Variants in KCNIP4 observed in about 807,000 individuals in gnomAD.
The protein encoded by KCNIP4 is potassium voltage-gated channel interacting protein 4.
Under a neutral mutation model 34.0 loss-of-function variants are expected in KCNIP4, and 12 were observed. That is an observed-to-expected ratio of 0.35 (90% CI 0.23 to 0.57). The LOEUF (loss-of-function observed/expected upper bound fraction) is 0.57. KCNIP4 is among the 20% of genes least tolerant of loss of function. The probability of loss-of-function intolerance (pLI) is 0.83; values close to 1 mark genes in which losing one functional copy is unlikely to be tolerated. For missense variants in KCNIP4, 238 were observed against 311.7 expected (o/e 0.76, Z 1.78); for synonymous variants, 124 against 102.2 (o/e 1.21, Z -1.29).
At chr4:21,253,427 C>T (rs1313631240) in intron 1 of KCNIP4, among the ~76,000 whole-genome samples, 1 of 152,156 alleles carries the variant, frequency 6.6e-6, no homozygotes, top group Non-Finnish European at 1.5e-5. Context: ...CCATATTTGA[C>T]ACAGAACAGA....
chr4:21,265,099 A>AAATAAT (rs35177944), intron 1 of KCNIP4, among the ~76,000 whole-genome samples: 50 of 151,054 alleles, frequency 3.3e-4, no homozygotes, highest in African/African-American at 7.6e-4. Context: ...ACTCTGCCTC[A>AAATAAT]AATAATAATA....
At chr4:21,377,197 T>C (rs912659472) in intron 1 of KCNIP4, among the ~76,000 whole-genome samples, 1 of 152,176 alleles carries the variant, frequency 6.6e-6, no homozygotes, top group Non-Finnish European at 1.5e-5. Context: ...ATGTAGAGCA[T>C]ACTACTCGGA....
chr4:21,352,333 C>G (rs1718090283), intron 1 of KCNIP4, among the ~76,000 whole-genome samples: 2 of 152,166 alleles, frequency 1.3e-5, no homozygotes, highest in South Asian at 2.1e-4. Flanking sequence ...GTCGCCTCAC[C>G]CAGGAAGTGC....
At chr4:20,991,379 T>C (rs1461876411) in intron 1 of KCNIP4, among the ~76,000 whole-genome samples, 2 of 151,410 alleles carry the variant, frequency 1.3e-5, no homozygotes, top group African/African-American at 2.4e-5. Flanking sequence ...GGGAAGGAGC[T>C]CGGGATAGAG....
Position 20,936,103 on chromosome 4 carries a change from A to G in KCNIP4, c.62-53394T>C, listed in dbSNP as rs138776440. On this transcript the variant is annotated intron_variant, in intron 1 of 8. Transcript: ENST00000382152. ...ATACAGTTTTTTTTTTAACTTACAAATTGGAGTTAACAGTATCTACTCTAT... is the reference window on the plus strand; with the variant it reads ...ATACAGTTTTTTTTTTAACTTACAAGTTGGAGTTAACAGTATCTACTCTAT... Among the ~76,000 whole-genome samples, 724 of 152,150 alleles carry G rather than the reference A, an allele frequency of 4.8e-3. 7 individuals are homozygous for G. The highest frequency in any genetic ancestry group is 7.6e-3 in the Non-Finnish European group (518 of 67,942).
chr4:21,409,593 A>G (rs751654108), intron 1 of KCNIP4, among the ~76,000 whole-genome samples: 1 of 152,238 alleles, frequency 6.6e-6, no homozygotes, highest in Non-Finnish European at 1.5e-5. Context: ...TATTGAAGAC[A>G]TGTTGAAATA....
intron 1 of KCNIP4, among the ~76,000 whole-genome samples, chr4:21,842,660 T>G (rs1723757839): frequency 6.6e-6 from 1 of 152,144 alleles, no homozygotes; most frequent in Non-Finnish European, 1.5e-5. Flanking sequence ...TATTGCCATT[T>G]CAATCTGGCA....
intron 1 of KCNIP4, among the ~76,000 whole-genome samples, chr4:21,696,330 A>G (rs1193641488): frequency 6.6e-6 from 1 of 152,082 alleles, no homozygotes; most frequent in Non-Finnish European, 1.5e-5. Context: ...ATATCAGCAC[A>G]AGATCACCTC....
chr4:21,216,835 T>C (rs941056213), intron 1 of KCNIP4, among the ~76,000 whole-genome samples: 3 of 152,148 alleles, frequency 2.0e-5, no homozygotes, highest in Non-Finnish European at 4.4e-5. Context: ...AAAGGCTTCA[T>C]GAAGAAGGCT....
intron 1 of KCNIP4, among the ~76,000 whole-genome samples, chr4:21,569,872 G>A (rs755200684): frequency 5.3e-5 from 8 of 152,052 alleles, no homozygotes; most frequent in Non-Finnish European, 8.8e-5. Context: ...GGGAAAAAAA[G>A]CCATTGTTTC....
chr4:21,440,686 ATAAT>A (rs1727392661), intron 1 of KCNIP4, among the ~76,000 whole-genome samples: 1 of 152,198 alleles, frequency 6.6e-6, no homozygotes, highest in South Asian at 2.1e-4. Flanking sequence ...TTTTTTGCTA[ATAAT>A]TAACTTGATG....
chr4:21,624,373 C>T (rs549148450), intron 1 of KCNIP4, among the ~76,000 whole-genome samples: 33 of 152,154 alleles, frequency 2.2e-4, no homozygotes, highest in Non-Finnish European at 4.4e-4. Context: ...TTACCAGTCA[C>T]ATATATTTAT....
At chr4:21,055,921 C>A (rs1743358245) in intron 1 of KCNIP4, among the ~76,000 whole-genome samples, 1 of 152,036 alleles carries the variant, frequency 6.6e-6, no homozygotes, top group African/African-American at 2.4e-5. Flanking sequence ...CTAGAGTGAA[C>A]CCTCATATAA....
chr4:20,792,830 T>C (rs542794066), intron 3 of KCNIP4, among the ~76,000 whole-genome samples: 117 of 152,304 alleles, frequency 7.7e-4, no homozygotes, highest in African/African-American at 2.6e-3. Flanking sequence ...AACTTCCTTA[T>C]CACAATGTTT....
At chr4:20,899,098 T>C (rs907104688) in intron 1 of KCNIP4, among the ~76,000 whole-genome samples, 1 of 152,208 alleles carries the variant, frequency 6.6e-6, no homozygotes, top group Non-Finnish European at 1.5e-5. Flanking sequence ...TGATCAATAC[T>C]TAGGATATTG....
intron 1 of KCNIP4, among the ~76,000 whole-genome samples, chr4:21,196,339 C>G (rs1420077701): frequency 6.6e-6 from 1 of 152,156 alleles, no homozygotes; most frequent in Middle Eastern, 3.2e-3. Flanking sequence ...CATATTTTCT[C>G]ATAGTAAGTA....
intron 1 of KCNIP4, among the ~76,000 whole-genome samples, chr4:20,913,851 G>A (rs569183843): frequency 5.3e-4 from 81 of 152,296 alleles, no homozygotes; most frequent in African/African-American, 1.7e-3. Context: ...GTATTGCAAA[G>A]CACTTGAAAC....
intron 3 of KCNIP4, among the ~76,000 whole-genome samples, chr4:20,791,008 A>T (rs1712681859): frequency 6.6e-6 from 1 of 152,174 alleles, no homozygotes; most frequent in Non-Finnish European, 1.5e-5. Context: ...TCTATTGCTC[A>T]TCCCCAATCT....
At chr4:20,826,563 T>A (rs1717783261) in intron 3 of KCNIP4, among the ~76,000 whole-genome samples, 1 of 151,894 alleles carries the variant, frequency 6.6e-6, no homozygotes, top group Non-Finnish European at 1.5e-5. Flanking sequence ...CACTCCAGCC[T>A]GGACAACAGA....
Sources: gnomAD v4.1 joint callset for allele counts (sites outside exome capture counted in the v4.1 genomes callset) on GRCh38, gnomAD v4.1.1 for gene constraint, MANE v1.5 for transcripts, NCBI Gene and HGNC (gene_info 2026-07-23, HGNC 2026-07-21) for gene names.